The following FHIT variants were observed in gnomAD, a reference collection of about 807,000 sequenced individuals.
FHIT encodes fragile histidine triad diadenosine triphosphatase.
A neutral mutation model predicts 17.9 loss-of-function variants in FHIT; 19 were observed. The ratio of observed to expected loss-of-function variants is 1.06; its 90% CI spans 0.74 to 1.56. The LOEUF (loss-of-function observed/expected upper bound fraction) is 1.56. FHIT is among the 40% of genes most tolerant of loss of function. The pLI is 0.00. For synonymous variants in FHIT, 81 were observed against 69.7 expected, an observed-to-expected ratio of 1.16 and a Z score of -0.81; for missense variants, 248 against 189.2, an observed-to-expected ratio of 1.31 and a Z score of -1.82.
At chr3:61,087,257 G>A (rs2035334449) in intron 2 of FHIT, among the ~76,000 whole-genome samples, 2 of 152,128 alleles carry the variant, frequency 1.3e-5, no homozygotes, top group Non-Finnish European at 2.9e-5. Context: ...AAGCCACAAT[G>A]TTATCTCTAT....
At chr3:59,947,569 G>A (rs1706876407) in intron 7 of FHIT, among the ~76,000 whole-genome samples, 1 of 152,148 alleles carries the variant, frequency 6.6e-6, no homozygotes, top group African/African-American at 2.4e-5. Flanking sequence ...AAGAGGTTCA[G>A]TTGATGAGCT....
At chr3:61,041,314 T>G (rs779625835) in intron 3 of FHIT, among the ~76,000 whole-genome samples, 28 of 151,908 alleles carry the variant, frequency 1.8e-4, no homozygotes, top group Non-Finnish European at 3.4e-4. Flanking sequence ...GAGGCAGAAG[T>G]TGCGGTGAGC....
intron 5 of FHIT, among the ~76,000 whole-genome samples, chr3:60,416,811 G>C (rs949413509): frequency 1.7e-4 from 26 of 152,102 alleles, no homozygotes; most frequent in African/African-American, 5.8e-4. Flanking sequence ...AACAGGCCGG[G>C]TGCGGCAGCT....
intron 8 of FHIT, among the ~76,000 whole-genome samples, chr3:59,763,222 T>G (rs548117132): frequency 1.3e-5 from 2 of 152,312 alleles, no homozygotes; most frequent in East Asian, 3.9e-4. Flanking sequence ...TATGGCTTCT[T>G]TTTTCAAAGG....
chr3:60,847,034 G>A (rs554312272), intron 3 of FHIT, among the ~76,000 whole-genome samples: 2 of 152,234 alleles, frequency 1.3e-5, no homozygotes, highest in South Asian at 2.1e-4. Context: ...ATATTGGCCA[G>A]GCTGGTCTTG....
intron 3 of FHIT, among the ~76,000 whole-genome samples, chr3:60,860,274 A>ATACATCATATGTATACATGAGC (rs1703627064): frequency 7.4e-6 from 1 of 135,062 alleles, no homozygotes; most frequent in Admixed American, 8.0e-5. Flanking sequence ...TATACATGAG[A>ATACATCATATGTATACATGAGC]TACATCATAT....
intron 5 of FHIT, among the ~76,000 whole-genome samples, chr3:60,027,131 ACAC>A (rs1700776461): frequency 7.6e-6 from 1 of 132,140 alleles, no homozygotes; most frequent in African/African-American, 3.1e-5. Flanking sequence ...ACACACACAC[ACAC>A]ACACACACAC....
intron 7 of FHIT, among the ~76,000 whole-genome samples, chr3:59,978,822 G>C (rs1400950801): frequency 1.3e-5 from 2 of 151,596 alleles, no homozygotes; most frequent in African/African-American, 4.8e-5. Flanking sequence ...CTTAAAAAAA[G>C]GCTAAAACTC....
chr3:60,045,800 C>G (rs1172434258), intron 5 of FHIT, among the ~76,000 whole-genome samples: 2 of 152,092 alleles, frequency 1.3e-5, no homozygotes, highest in African/African-American at 4.8e-5. Flanking sequence ...TTCCAAGTCT[C>G]TGGATCAACT....
At chr3:61,039,679 A>G (rs1427164377) in intron 3 of FHIT, among the ~76,000 whole-genome samples, 2 of 152,130 alleles carry the variant, frequency 1.3e-5, no homozygotes, top group Non-Finnish European at 2.9e-5. Flanking sequence ...CAGGGAGGGG[A>G]ACATCACATA....
chr3:60,247,798 T>C (rs1705479395), intron 5 of FHIT, among the ~76,000 whole-genome samples: 1 of 152,142 alleles, frequency 6.6e-6, no homozygotes, highest in South Asian at 2.1e-4. Flanking sequence ...AATTCACATA[T>C]CTACTTCACT....
intron 8 of FHIT, among the ~76,000 whole-genome samples, chr3:59,895,194 G>C (rs766660170): frequency 2.0e-5 from 3 of 152,208 alleles, no homozygotes; most frequent in Admixed American, 2.0e-4. Context: ...AATGTCAGTA[G>C]TGCCAAGACT....
chr3:61,159,636 G>C (rs1332723960), intron 2 of FHIT, among the ~76,000 whole-genome samples: 1 of 152,142 alleles, frequency 6.6e-6, no homozygotes, highest in African/African-American at 2.4e-5. Context: ...TGTTTACTTT[G>C]CTAATTCTCA....
At chr3:61,035,441 T>C (rs2033194885) in intron 3 of FHIT, among the ~76,000 whole-genome samples, 1 of 152,216 alleles carries the variant, frequency 6.6e-6, no homozygotes, top group Admixed American at 6.5e-5. Flanking sequence ...TGACACTAGA[T>C]TTTGTTAAAC....
chr3:61,103,928 C>T (rs1237488560), intron 2 of FHIT, among the ~76,000 whole-genome samples: 6 of 149,428 alleles, frequency 4.0e-5, no homozygotes, highest in African/African-American at 1.5e-4. Flanking sequence ...GGTAGATCTT[C>T]CTCCATCCCT....
intron 2 of FHIT, among the ~76,000 whole-genome samples, chr3:61,148,326 T>C (rs959578584): frequency 3.9e-5 from 6 of 152,128 alleles, no homozygotes; most frequent in African/African-American, 1.4e-4. Flanking sequence ...AAACAAAGTA[T>C]GCAGTTATTT....
At chr3:59,807,529 G>T (rs1260739509) in intron 8 of FHIT, among the ~76,000 whole-genome samples, 4 of 152,166 alleles carry the variant, frequency 2.6e-5, no homozygotes, top group Non-Finnish European at 4.4e-5. Flanking sequence ...TACCATTCAG[G>T]TTACACAGAG....
chr3:60,467,819 T>C (rs2032881682), intron 5 of FHIT, among the ~76,000 whole-genome samples: 1 of 152,152 alleles, frequency 6.6e-6, no homozygotes, highest in Non-Finnish European at 1.5e-5. Flanking sequence ...TAAATGTCTA[T>C]TAGGTCCATT....
intron 7 of FHIT, among the ~76,000 whole-genome samples, chr3:59,991,880 C>T (rs1245197255): frequency 6.6e-6 from 1 of 152,004 alleles, no homozygotes; most frequent in Non-Finnish European, 1.5e-5. Context: ...AGTCTTGAGT[C>T]CCTGGATCAA....
Sources: allele counts gnomAD v4.1 joint callset (sites outside exome capture counted in the v4.1 genomes callset), GRCh38; gene constraint gnomAD v4.1.1; transcripts MANE v1.5; gene names NCBI Gene and HGNC (gene_info 2026-07-23, HGNC 2026-07-21).